NXPH1: variants seen among roughly 807,000 people sequenced by gnomAD.
The protein encoded by NXPH1 is neurexophilin-1.
In NXPH1, 5 loss-of-function variants were observed where a neutral mutation model predicts 23.7. That is an observed-to-expected ratio of 0.21 (90% CI 0.11 to 0.44). The LOEUF (loss-of-function observed/expected upper bound fraction) is 0.44, where lower values mean the gene tolerates loss of function less well. Among genes scored for constraint, NXPH1 ranks in the 20% least tolerant of loss-of-function variants. The pLI is 0.99. For synonymous variants in NXPH1, 144 were observed against 122.2 expected, an observed-to-expected ratio of 1.18 and a Z score of -1.18; for missense variants, 324 against 321.6, an observed-to-expected ratio of 1.01 and a Z score of -0.06.
chr7:8,709,030 C>T (rs180871025), intron 2 of NXPH1, among the ~76,000 whole-genome samples: 2 of 152,140 alleles, frequency 1.3e-5, no homozygotes, highest in East Asian at 3.9e-4. Context: ...TATGAGATTC[C>T]TCATAAAATT....
intron 2 of NXPH1, among the ~76,000 whole-genome samples, chr7:8,558,001 A>AT (rs1333722016): frequency 4.0e-5 from 6 of 151,770 alleles, no homozygotes; most frequent in Admixed American, 1.3e-4. Flanking sequence ...CAGTCCTATC[A>AT]TAAAAAAAAG....
chr7:8,578,801 C>G (rs1818805730), intron 2 of NXPH1, among the ~76,000 whole-genome samples: 1 of 152,108 alleles, frequency 6.6e-6, no homozygotes, highest in African/African-American at 2.4e-5. Flanking sequence ...AATATAAGGA[C>G]CAAGAAAGGC....
chr7:8,530,593 C>T (rs181819367), intron 2 of NXPH1, among the ~76,000 whole-genome samples: 20 of 152,264 alleles, frequency 1.3e-4, no homozygotes, highest in South Asian at 6.2e-4. Context: ...GCAAGAAAGA[C>T]GGTTGTTGTA....
intron 2 of NXPH1, among the ~76,000 whole-genome samples, chr7:8,491,964 A>G (rs1420709702): frequency 1.3e-5 from 2 of 152,040 alleles, no homozygotes; most frequent in Non-Finnish European, 2.9e-5. Flanking sequence ...CAATTACTGT[A>G]TACAACACAC....
At chr7:8,651,610 A>C (rs1444177606) in intron 2 of NXPH1, among the ~76,000 whole-genome samples, 1 of 152,120 alleles carries the variant, frequency 6.6e-6, no homozygotes, top group Non-Finnish European at 1.5e-5. Flanking sequence ...TGTTCCTATA[A>C]TTTTAAGTTG....
At position 8,646,956 on chromosome 7, in the gene NXPH1, CAG is replaced by C. The variant is rs1350081453; in HGVS notation, c.55-104051_55-104050del. ...CTGGGAGGGGTACATGGAGAGAACA[CAG>C]GGGAACAGGCACTGGGGAGGGGAGG... On this transcript the variant is annotated intron_variant, in intron 2 of 2. Transcript: ENST00000405863. 1.1e-4 allele frequency among the ~76,000 whole-genome samples: 17 copies of C among 151,410 alleles called. No homozygotes were observed. In the South Asian group the frequency reaches 2.1e-3, roughly 19 times the overall value.
intron 2 of NXPH1, among the ~76,000 whole-genome samples, chr7:8,685,461 G>A (rs1330512070): frequency 6.6e-6 from 1 of 150,920 alleles, no homozygotes; most frequent in East Asian, 1.9e-4. Flanking sequence ...TGGCTGAATA[G>A]TACTCCCTTG....
intron 2 of NXPH1, among the ~76,000 whole-genome samples, chr7:8,647,274 G>A (rs1463175892): frequency 1.3e-5 from 2 of 152,134 alleles, no homozygotes; most frequent in African/African-American, 4.8e-5. Flanking sequence ...CCCAGGGACT[G>A]GACATCCAGG....
chr7:8,495,991 T>C (rs1817332276), intron 2 of NXPH1, among the ~76,000 whole-genome samples: 1 of 151,718 alleles, frequency 6.6e-6, no homozygotes, highest in South Asian at 2.1e-4. Flanking sequence ...GCACAGAGGG[T>C]TCCTGTGGAA....
intron 2 of NXPH1, among the ~76,000 whole-genome samples, chr7:8,505,928 T>C (rs1817514907): frequency 6.6e-6 from 1 of 152,042 alleles, no homozygotes; most frequent in Non-Finnish European, 1.5e-5. Flanking sequence ...GAGACAGAAA[T>C]GGGCCCAGAC....
intron 2 of NXPH1, among the ~76,000 whole-genome samples, chr7:8,748,817 C>T (rs753477282): frequency 4.6e-5 from 7 of 152,164 alleles, no homozygotes; most frequent in Non-Finnish European, 7.3e-5. Flanking sequence ...AATGAATTTT[C>T]ATGGAGACAA....
intron 2 of NXPH1, among the ~76,000 whole-genome samples, chr7:8,742,567 G>A (rs1780385864): frequency 8.5e-6 from 1 of 118,098 alleles, no homozygotes; most frequent in African/African-American, 2.6e-5. Flanking sequence ...GAGATATTTT[G>A]TTAATTGGAA....
intron 2 of NXPH1, among the ~76,000 whole-genome samples, chr7:8,563,675 A>T (rs1386123360): frequency 6.6e-6 from 1 of 151,712 alleles, no homozygotes; most frequent in East Asian, 2.0e-4. Context: ...GTTGGGGGAA[A>T]AGGTTACCCA....
intron 2 of NXPH1, among the ~76,000 whole-genome samples, chr7:8,447,241 T>A (rs1334379425): frequency 6.6e-6 from 1 of 152,218 alleles, no homozygotes; most frequent in Non-Finnish European, 1.5e-5. Flanking sequence ...CAAAACAACT[T>A]TACTCACATA....
At chr7:8,471,262 C>G (rs1008161981) in intron 2 of NXPH1, among the ~76,000 whole-genome samples, 1 of 152,122 alleles carries the variant, frequency 6.6e-6, no homozygotes, top group Non-Finnish European at 1.5e-5. Context: ...TGGCGGTACT[C>G]TACAAGAAAA....
intron 2 of NXPH1, among the ~76,000 whole-genome samples, chr7:8,582,757 G>A (rs1438599295): frequency 6.6e-6 from 1 of 152,098 alleles, no homozygotes; most frequent in Non-Finnish European, 1.5e-5. Flanking sequence ...TCTCACTCTG[G>A]GTGCTAACTC....
intron 2 of NXPH1, among the ~76,000 whole-genome samples, chr7:8,482,359 T>A (rs1463637308): frequency 6.6e-6 from 1 of 152,136 alleles, no homozygotes; most frequent in Non-Finnish European, 1.5e-5. Flanking sequence ...TCAAGTCTCC[T>A]CTAGCCAGGC....
intron 2 of NXPH1, among the ~76,000 whole-genome samples, chr7:8,449,155 T>C (rs1425535407): frequency 6.6e-6 from 1 of 152,258 alleles, no homozygotes; most frequent in Non-Finnish European, 1.5e-5. Flanking sequence ...AAGTTCATTC[T>C]AGCTGAATAT....
intron 2 of NXPH1, among the ~76,000 whole-genome samples, chr7:8,453,142 G>T (rs78241593): frequency 0.037 from 5,681 of 152,176 alleles, 147 homozygotes; most frequent in Middle Eastern, 0.054. Flanking sequence ...TTTTACAGAA[G>T]TAGAAGGAGA....
Sources: allele counts gnomAD v4.1 joint callset (sites outside exome capture counted in the v4.1 genomes callset), GRCh38; gene constraint gnomAD v4.1.1; transcripts MANE v1.5; gene names NCBI Gene and HGNC (gene_info 2026-07-23, HGNC 2026-07-21).